Variants in PPME1 observed in about 807,000 individuals in gnomAD.
PPME1 encodes the protein testicular secretory protein Li 39.
Under a neutral mutation model 56.9 loss-of-function variants are expected in PPME1, and 17 were observed. The observed-to-expected ratio is 0.30, with a 90% CI of 0.20 to 0.45. The LOEUF is 0.45. PPME1 is among the 20% of genes least tolerant of loss of function. The pLI, the probability that PPME1 is intolerant of heterozygous loss-of-function variation, is 1.00. For missense variants in PPME1, 357 were observed against 483.2 expected (o/e 0.74, Z 2.45); for synonymous variants, 122 against 156.2 (o/e 0.78, Z 1.63).
chr11:74,215,111 C>T (rs1019694727), intron 3 of PPME1, among the ~76,000 whole-genome samples: 6 of 152,116 alleles, frequency 3.9e-5, no homozygotes, highest in African/African-American at 7.2e-5. Flanking sequence ...TTTGGGAGGC[C>T]GAGGTGGACA....
chr11:74,202,668 T>C (rs1397261621), intron 1 of PPME1, among the ~76,000 whole-genome samples: 3 of 152,196 alleles, frequency 2.0e-5, no homozygotes, highest in South Asian at 2.1e-4. Flanking sequence ...AATTTCTTTC[T>C]TGTATTCCAT....
intron 3 of PPME1, among the ~76,000 whole-genome samples, chr11:74,221,724 T>C (rs1028236976): frequency 2.0e-5 from 3 of 152,144 alleles, no homozygotes; most frequent in Non-Finnish European, 4.4e-5. Context: ...TCCCCAATTA[T>C]TTCAGATTTT....
rs1325578053 is a variant in PPME1 at position 74,204,367 on chromosome 11, C to T, written c.210C>T (p.Tyr70=). 1.2e-6 allele frequency: 2 copies of T among 1,612,230 alleles called. No homozygotes were observed. The highest frequency in any genetic ancestry group is 1.7e-6 in the Non-Finnish European group (2 of 1,178,660). Residue 70 remains tyrosine, a synonymous_variant, in exon 3 of 14, where the codon TAC becomes TAT. Transcript: ENST00000328257. ...ACTATTCATACACTTTTCGAGTCTA[C>T]AAGAGTGGTTCAGAGGGTCCAGTCC... is the stretch of plus-strand genomic sequence containing the variant. ...NETGKDTFRV[Y]KSGSEGPVLL...
intron 11 of PPME1, chr11:74,247,483 GTTTT>G (rs761820906): frequency 5.9e-5 from 7 of 119,108 alleles, no homozygotes; most frequent in East Asian, 2.4e-4. Context: ...TTGTTTGTGG[GTTTT>G]TTTTTTTTTT....
rs149346555 is a variant in PPME1 at position 74,234,563 on chromosome 11, A to G, written c.645-1338A>G. Among the ~76,000 whole-genome samples the G allele has an allele frequency of 4.3e-3, 651 of 152,334 alleles. 4 individuals carry two copies. The highest frequency in any genetic ancestry group is 0.015 in the African/African-American group (627 of 41,580). On this transcript the variant is annotated intron_variant, in intron 7 of 13. Coordinates refer to ENST00000328257, the MANE Select transcript of PPME1 (RefSeq NM_016147.3). ...AGAGAATAACTGTGTCGGATGCTGC[A>G]GAGAGATCAAGTAAGATGAGGACCA...
At chr11:74,176,274 T>C (rs904144194) in intron 1 of PPME1, among the ~76,000 whole-genome samples, 2 of 152,184 alleles carry the variant, frequency 1.3e-5, no homozygotes, top group African/African-American at 4.8e-5. Flanking sequence ...TCTGATTAGA[T>C]AGTCTTTCAT....
At chr11:74,180,000 C>G (rs936254045) in intron 1 of PPME1, among the ~76,000 whole-genome samples, 12 of 152,164 alleles carry the variant, frequency 7.9e-5, no homozygotes, top group Admixed American at 1.3e-4. Flanking sequence ...CAATAACTCT[C>G]TTAACAGACT....
intron 3 of PPME1, among the ~76,000 whole-genome samples, chr11:74,217,387 C>A (rs1335940380): frequency 6.6e-6 from 1 of 151,586 alleles, no homozygotes; most frequent in Non-Finnish European, 1.5e-5. Context: ...TCTAAAAATA[C>A]AAAAATTAGC....
intron 1 of PPME1, among the ~76,000 whole-genome samples, chr11:74,184,661 CAT>C (rs1330918625): frequency 5.3e-5 from 8 of 152,204 alleles, no homozygotes; most frequent in South Asian, 2.1e-4. Flanking sequence ...ATTATATTAA[CAT>C]GTGTTCCACA....
chr11:74,214,624 G>GACTTCAGATGT (rs1435368533), intron 3 of PPME1, among the ~76,000 whole-genome samples: 1 of 151,432 alleles, frequency 6.6e-6, no homozygotes, highest in East Asian at 1.9e-4. Context: ...TCTGGAAGCA[G>GACTTCAGATGT]ACTTCTCAGT....
chr11:74,204,699 AAAAG>A (rs563062824), intron 3 of PPME1, among the ~76,000 whole-genome samples: 133 of 152,322 alleles, frequency 8.7e-4, no homozygotes, highest in African/African-American at 3.0e-3. Flanking sequence ...TTTGGGGAGA[AAAAG>A]AAAAGATAAT....
At chr11:74,225,097 G>A (rs1367427548) in intron 4 of PPME1, 108 bp from the exon 5 acceptor site, 1 of 678,438 alleles carries the variant, frequency 1.5e-6, no homozygotes, top group African/African-American at 1.8e-5. Flanking sequence ...GTGTAAAATT[G>A]TGAAGTCCCT....
intron 3 of PPME1, among the ~76,000 whole-genome samples, chr11:74,219,565 A>G (rs75607972): frequency 6.6e-6 from 1 of 152,178 alleles, no homozygotes; most frequent in African/African-American, 2.4e-5. Context: ...TTGGTTATAA[A>G]AAAGACTGAG....
At chr11:74,229,742 GA>G (rs1859020482) in intron 5 of PPME1, among the ~76,000 whole-genome samples, 1 of 152,032 alleles carries the variant, frequency 6.6e-6, no homozygotes, top group Non-Finnish European at 1.5e-5. Context: ...TATAGATGTC[GA>G]AACTCAGTTT....
intron 8 of PPME1, chr11:74,238,715 G>A (rs1859262227): frequency 6.5e-6 from 1 of 153,794 alleles, no homozygotes; most frequent in African/African-American, 2.4e-5. Flanking sequence ...ACTATAAGCA[G>A]GGTTCAGCAG....
chr11:74,251,161 C>G, intron 12 of PPME1, 143 bp downstream of exon 12: 1 of 1,473,284 alleles, frequency 6.8e-7, no homozygotes, highest in Non-Finnish European at 9.0e-7. Flanking sequence ...ACCAGCTCTC[C>G]AACTTCTCCC....
chr11:74,251,366 G>T, intron 12 of PPME1: 1 of 1,355,764 alleles, frequency 7.4e-7, no homozygotes, highest in Non-Finnish European at 9.5e-7. Context: ...AATTAATATG[G>T]GCTCCTCCTG....
At chr11:74,183,925 A>G (rs1009980217) in intron 1 of PPME1, among the ~76,000 whole-genome samples, 35 of 152,194 alleles carry the variant, frequency 2.3e-4, no homozygotes, top group African/African-American at 8.2e-4. Context: ...CCCAATAGCA[A>G]TAGTTTAGAA....
chr11:74,254,531 T>A lies in PPME1; in HGVS notation c.*1021T>A, dbSNP rs1189781992. Reference sequence around the variant, plus strand: ...CATTTCCAAGGGCAGGAAGGGGCAGTGTCCTGAAGCCCATCTTTTCTGTGA... The same window carrying A: ...CATTTCCAAGGGCAGGAAGGGGCAGAGTCCTGAAGCCCATCTTTTCTGTGA... On this transcript the variant is annotated 3_prime_UTR_variant, in exon 14 of 14. Coordinates refer to ENST00000328257, the MANE Select transcript of PPME1 (RefSeq NM_016147.3). 1 of 153,086 alleles carries A rather than the reference T, an allele frequency of 6.5e-6. No homozygotes were observed. Among genetic ancestry groups the A allele is most frequent in the Non-Finnish European group, 1.5e-5 (1 of 68,202 alleles). 9.5% of individuals were successfully genotyped at this position (153,086 alleles called of 1,614,324 possible).
Sources: allele counts gnomAD v4.1 joint callset (sites outside exome capture counted in the v4.1 genomes callset), GRCh38; gene constraint gnomAD v4.1.1; transcripts MANE v1.5; gene names NCBI Gene and HGNC (gene_info 2026-07-23, HGNC 2026-07-21).